The following NCR1 variants were observed in gnomAD, a reference collection of about 807,000 sequenced individuals.
NCR1 encodes the protein natural cytotoxicity triggering receptor 1, also known as NK cell-activating receptor.
A neutral mutation model predicts 32.5 loss-of-function variants in NCR1; 30 were observed. That is an observed-to-expected ratio of 0.92 (90% CI 0.69 to 1.25). The LOEUF (loss-of-function observed/expected upper bound fraction) is 1.25. Ranked by LOEUF, NCR1 falls within the 50% of genes most tolerant of loss-of-function variation. NCR1 has a pLI of 0.00. For synonymous variants in NCR1, 169 were observed against 143.4 expected, an observed-to-expected ratio of 1.18 and a Z score of -1.28; for missense variants, 369 against 380.7, an observed-to-expected ratio of 0.97 and a Z score of 0.26.
At chr19:54,937,378 G>T in the NCR1 span, among the ~76,000 whole-genome samples, 2 of 150,940 alleles carry the variant, frequency 1.3e-5, no homozygotes, top group African/African-American at 2.4e-5. Flanking sequence ...GTTTGTTTTG[G>T]TAACAAAACA....
At chr19:54,926,892 G>A in the NCR1 span, among the ~76,000 whole-genome samples, 5 of 146,810 alleles carry the variant, frequency 3.4e-5, no homozygotes, top group African/African-American at 1.3e-4. Flanking sequence ...CTCCAGCCTG[G>A]GGGACAGAGA....
chr19:54,933,347 A>G, the NCR1 span, among the ~76,000 whole-genome samples: 1 of 152,014 alleles, frequency 6.6e-6, no homozygotes, highest in Non-Finnish European at 1.5e-5. Flanking sequence ...GGGTTTCACC[A>G]TGTTAACCAG....
the NCR1 span, among the ~76,000 whole-genome samples, chr19:54,934,927 C>T: frequency 1.9e-4 from 29 of 152,080 alleles, no homozygotes; most frequent in African/African-American, 6.8e-4. The surrounding 1 kb of genome is among the most constrained non-coding windows in gnomAD (Gnocchi z 6.7). Context: ...GAACTCCTGA[C>T]CTCAGGTGAT....
chr19:54,927,737 T>C, the NCR1 span: 2 of 1,614,098 alleles, frequency 1.2e-6, no homozygotes, highest in South Asian at 1.1e-5. Flanking sequence ...AGATCCAAGA[T>C]GCTGACAATA....
At chr19:54,934,747 T>A in the NCR1 span, 1 of 1,134,556 alleles carries the variant, frequency 8.8e-7, no homozygotes, top group Non-Finnish European at 1.2e-6. This position sits in a 1 kb window ranked among gnomAD's most constrained non-coding sequence, Gnocchi z 6.7. Flanking sequence ...TTTCACTCTG[T>A]TGCCCAGTCT....
chr19:54,926,981 T>C, the NCR1 span, among the ~76,000 whole-genome samples: 2 of 148,822 alleles, frequency 1.3e-5, no homozygotes, highest in Non-Finnish European at 3.0e-5. Context: ...TCCCAGCTAC[T>C]CAGGAGGTTG....
chr19:54,914,177 TTC>T (rs1402987391), downstream of NCR1, among the ~76,000 whole-genome samples: 7 of 139,930 alleles, frequency 5.0e-5, no homozygotes, highest in African/African-American at 1.4e-4. Context: ...TTTTTTTTTT[TTC>T]TTTTTTTTTG....
At chr19:54,900,250 A>AC in the NCR1 span, among the ~76,000 whole-genome samples, 1 of 152,090 alleles carries the variant, frequency 6.6e-6, no homozygotes, top group African/African-American at 2.4e-5. Flanking sequence ...TGTTTATTTC[A>AC]CCTGGGTGCA....
At chr19:54,934,231 G>A in the NCR1 span, among the ~76,000 whole-genome samples, 5 of 152,118 alleles carry the variant, frequency 3.3e-5, no homozygotes, top group African/African-American at 4.8e-5. The surrounding 1 kb of genome is among the most constrained non-coding windows in gnomAD (Gnocchi z 6.7). Flanking sequence ...ATGAGCCACC[G>A]CACCCGGCCT....
At chr19:54,936,969 T>A in the NCR1 span, among the ~76,000 whole-genome samples, 2 of 151,200 alleles carry the variant, frequency 1.3e-5, no homozygotes, top group South Asian at 4.2e-4. Flanking sequence ...TCCCAGCACT[T>A]TGGGAGGCCG....
At chr19:54,926,550 C>G in the NCR1 span, among the ~76,000 whole-genome samples, 1 of 152,072 alleles carries the variant, frequency 6.6e-6, no homozygotes, top group Non-Finnish European at 1.5e-5. Flanking sequence ...GAGGCTGAGG[C>G]AGGTGGATCA....
the NCR1 span, chr19:54,938,080 T>G: frequency 2.5e-6 from 4 of 1,614,032 alleles, no homozygotes; most frequent in Non-Finnish European, 3.4e-6. Flanking sequence ...ACGGGTTACG[T>G]GGTCACAAAG....
chr19:54,926,227 T>TGTGC, the NCR1 span, among the ~76,000 whole-genome samples: 101 of 150,840 alleles, frequency 6.7e-4, no homozygotes, highest in African/African-American at 2.4e-3. Context: ...TGTGTGTGTG[T>TGTGC]GCTCATGCAC....
the NCR1 span, among the ~76,000 whole-genome samples, chr19:54,937,079 G>A: frequency 2.0e-5 from 3 of 151,024 alleles, no homozygotes; most frequent in African/African-American, 4.9e-5. Context: ...CTAGCCGGGC[G>A]TGGTGGCGGG....
downstream of NCR1, among the ~76,000 whole-genome samples, chr19:54,918,501 T>C (rs572778137): frequency 6.6e-6 from 1 of 152,206 alleles, no homozygotes; most frequent in Non-Finnish European, 1.5e-5. Flanking sequence ...CTCGAACTCC[T>C]GGCCTCAAGT....
At chr19:54,907,240 C>G (rs2146040148) in intron 3 of NCR1, among the ~76,000 whole-genome samples, 1 of 151,236 alleles carries the variant, frequency 6.6e-6, no homozygotes, top group South Asian at 2.1e-4. Flanking sequence ...ACTGCAACCT[C>G]CACCTCCTGG....
the NCR1 span, chr19:54,930,596 G>A: frequency 3.7e-6 from 6 of 1,612,028 alleles, no homozygotes; most frequent in South Asian, 5.5e-5. Context: ...AGGTTTGTGA[G>A]GCTGCAGGCT....
At chr19:54,934,617 G>T in the NCR1 span, 2 of 1,614,036 alleles carry the variant, frequency 1.2e-6, no homozygotes, top group Non-Finnish European at 1.7e-6. The surrounding 1 kb of genome is among the most constrained non-coding windows in gnomAD (Gnocchi z 6.7). Flanking sequence ...GGACATAGAA[G>T]AATTCAGCCC....
downstream of NCR1, among the ~76,000 whole-genome samples, chr19:54,918,739 G>A (rs1269214047): frequency 1.3e-5 from 2 of 151,626 alleles, no homozygotes; most frequent in Non-Finnish European, 2.9e-5. Flanking sequence ...CATCACTTTG[G>A]GGGTGCTGAG....
Sources: allele counts gnomAD v4.1 joint callset (sites outside exome capture counted in the v4.1 genomes callset), GRCh38; gene constraint gnomAD v4.1.1; non-coding constraint Gnocchi (gnomAD v3.1); transcripts MANE v1.5; gene names NCBI Gene and HGNC (gene_info 2026-07-23, HGNC 2026-07-21).